ARID4B: variants seen among roughly 807,000 people sequenced by gnomAD.
ARID4B encodes the protein AT-rich interaction domain 4B.
ARID4B carries 26 observed loss-of-function variants against 147.5 expected under a neutral mutation model. That is an observed-to-expected ratio of 0.18 (90% CI 0.13 to 0.24). The LOEUF is 0.24. ARID4B is among the 10% of genes least tolerant of loss of function. ARID4B has a pLI of 1.00. For missense variants in ARID4B, 1,179 were observed against 1,511.5 expected, an observed-to-expected ratio of 0.78 and a Z score of 3.65; for synonymous variants, 512 against 507.9, an observed-to-expected ratio of 1.01 and a Z score of -0.11.
intron 2 of ARID4B, among the ~76,000 whole-genome samples, chr1:235,273,198 C>T (rs1671102868): frequency 6.6e-6 from 1 of 152,094 alleles, no homozygotes; most frequent in South Asian, 2.1e-4. Flanking sequence ...CCACCCCACC[C>T]AGCTAATTTC....
intron 10 of ARID4B, among the ~76,000 whole-genome samples, chr1:235,230,101 G>C (rs1411069836): frequency 6.6e-6 from 1 of 152,114 alleles, no homozygotes; most frequent in Admixed American, 6.5e-5. Context: ...ATTCATTAGT[G>C]AGAAATACCA....
rs547103698 is a variant in ARID4B, at chr1:235,310,354, T to G, written c.6+16560A>C. On this transcript the variant is annotated intron_variant, in intron 2 of 23. Transcript: ENST00000264183. ...ACTAAATGGCAACAACTTTATTATT[T>G]ATTTATAATAACTAGTAGAGAGGCA... 7.9e-5 allele frequency among the ~76,000 whole-genome samples: 12 copies of G among 152,348 alleles called. No homozygotes were observed. In the South Asian group the frequency reaches 2.3e-3, roughly 29 times the overall value.
At chr1:235,228,294 T>TTG (rs1386076070) in intron 11 of ARID4B, 1 of 142,790 alleles carries the variant, frequency 7.0e-6, no homozygotes, top group East Asian at 2.0e-4. Context: ...TCTTTTTTTT[T>TTG]TTTTTTTTTT....
chr1:235,202,684 G>C (rs1038764759), intron 17 of ARID4B, among the ~76,000 whole-genome samples: 1 of 151,674 alleles, frequency 6.6e-6, no homozygotes, highest in African/African-American at 2.4e-5. Context: ...TGAGTAGCTG[G>C]GATTACAGGT....
chr1:235,224,869 T>A, intron 11 of ARID4B, 94 bp from the exon 12 acceptor site: 1 of 817,886 alleles, frequency 1.2e-6, no homozygotes, highest in Non-Finnish European at 2.0e-6. Flanking sequence ...TAGTGTTCAT[T>A]AAAATACTTC....
chr1:235,172,453 C>T (rs1474839624), intron 23 of ARID4B, among the ~76,000 whole-genome samples, 165 bp downstream of exon 23: 1 of 152,010 alleles, frequency 6.6e-6, no homozygotes, highest in Non-Finnish European at 1.5e-5. Context: ...TGGTGCATGC[C>T]TGTAATTCCA....
intron 16 of ARID4B, among the ~76,000 whole-genome samples, chr1:235,214,664 T>C (rs6677573): frequency 6.6e-6 from 1 of 151,724 alleles, no homozygotes; most frequent in Non-Finnish European, 1.5e-5. Context: ...TATCTTATCA[T>C]GTTTGTTCTT....
At chr1:235,270,702 A>C (rs994914552) in intron 2 of ARID4B, among the ~76,000 whole-genome samples, 1 of 152,246 alleles carries the variant, frequency 6.6e-6, no homozygotes, top group African/African-American at 2.4e-5. Flanking sequence ...AAAAAAGCAA[A>C]GGAGCTTTCT....
chr1:235,232,117 T>C (rs1039800755), intron 9 of ARID4B, among the ~76,000 whole-genome samples: 1 of 152,104 alleles, frequency 6.6e-6, no homozygotes, highest in Middle Eastern at 3.4e-3. Flanking sequence ...CAAGATCCCA[T>C]CTCTTAAAAA....
chr1:235,224,757 G>T lies in ARID4B; in HGVS notation c.916C>A (p.Pro306Thr). 6.3e-7 allele frequency: 1 copy of T among 1,595,778 alleles called. No homozygotes were observed. Among genetic ancestry groups the T allele is most frequent in the Non-Finnish European group, 8.6e-7 (1 of 1,166,652 alleles). Residue 306 changes from proline (P) to threonine (T), a missense_variant, in exon 12 of 24, where the codon CCA (proline) becomes ACA (threonine). Pro to Thr is a conservative substitution (Grantham distance 38, BLOSUM62 -1). This residue lies in a region of ARID4B where 159 missense variants were observed against 190.5 expected (regional missense o/e 0.83). Transcript: ENST00000264183. The stretch of plus-strand genomic sequence containing the variant: ...TGAAGAAAGTTCTCCCTTTCTTCTG[G>T]AAATGGTTCTATTTCTTCCTAATTT... ...SEEEEEIEPF[P>T]EERENFLQQL...
At chr1:235,312,517 C>A (rs1453415781) in intron 2 of ARID4B, among the ~76,000 whole-genome samples, 1 of 151,968 alleles carries the variant, frequency 6.6e-6, no homozygotes, top group Non-Finnish European at 1.5e-5. Context: ...TTATTGCTTT[C>A]ATAATAAAAA....
At chr1:235,204,918 C>CTT (rs142987061) in intron 17 of ARID4B, among the ~76,000 whole-genome samples, 1 of 152,032 alleles carries the variant, frequency 6.6e-6, no homozygotes, top group African/African-American at 2.4e-5. Flanking sequence ...GAATTATCAT[C>CTT]TTTTTTTCAT....
intron 2 of ARID4B, among the ~76,000 whole-genome samples, chr1:235,283,465 T>C (rs1030850543): frequency 2.0e-5 from 3 of 152,368 alleles, no homozygotes; most frequent in Admixed American, 2.0e-4. Flanking sequence ...ATGTTAATAG[T>C]AGTTACCTCT....
chr1:235,243,482 T>G (rs544903003), intron 7 of ARID4B, among the ~76,000 whole-genome samples: 18 of 152,290 alleles, frequency 1.2e-4, no homozygotes, highest in African/African-American at 4.3e-4. Flanking sequence ...AATAATGCGC[T>G]GTCTCTATGA....
At chr1:235,274,086 T>C (rs1201992469) in intron 2 of ARID4B, among the ~76,000 whole-genome samples, 1 of 152,078 alleles carries the variant, frequency 6.6e-6, no homozygotes, top group African/African-American at 2.4e-5. Context: ...TTAAAAGTAA[T>C]TGCATGCCAG....
At chr1:235,200,769 G>A (rs894805072) in intron 17 of ARID4B, among the ~76,000 whole-genome samples, 1 of 152,100 alleles carries the variant, frequency 6.6e-6, no homozygotes, top group Non-Finnish European at 1.5e-5. Context: ...ATTTACCTTA[G>A]ACATAATAGA....
intron 5 of ARID4B, among the ~76,000 whole-genome samples, chr1:235,254,728 TA>T (rs974750373): frequency 1.1e-4 from 17 of 151,494 alleles, no homozygotes; most frequent in African/African-American, 4.1e-4. Flanking sequence ...AAGAAAAAGA[TA>T]AATCATCTCA....
intron 8 of ARID4B, among the ~76,000 whole-genome samples, chr1:235,236,833 A>AAAAAAAAAATATAT (rs1175189621): frequency 3.0e-5 from 1 of 33,522 alleles, no homozygotes; most frequent in Non-Finnish European, 4.7e-5. Flanking sequence ...TTTTATAAAA[A>AAAAAAAAAATATAT]ATATATATAT....
At chr1:235,233,483 C>T (rs1668367475) in intron 9 of ARID4B, among the ~76,000 whole-genome samples, 1 of 151,944 alleles carries the variant, frequency 6.6e-6, no homozygotes, top group Admixed American at 6.6e-5. Context: ...AATACCTTTC[C>T]CGAACTTGAA....
Sources: gnomAD v4.1 joint callset for allele counts (sites outside exome capture counted in the v4.1 genomes callset) on GRCh38, gnomAD v4.1.1 for gene constraint, gnomAD v4.1.1 regional missense constraint, MANE v1.5 for transcripts, NCBI Gene and HGNC (gene_info 2026-07-23, HGNC 2026-07-21) for gene names.